Variants in USP48 observed in about 807,000 individuals in gnomAD.
The protein encoded by USP48 is ubiquitin carboxyl-terminal hydrolase 48.
A neutral mutation model predicts 150.7 loss-of-function variants in USP48; 43 were observed. The ratio of observed to expected loss-of-function variants is 0.29; its 90% CI spans 0.22 to 0.37. USP48 has a LOEUF of 0.37. USP48 is among the 10% of genes least tolerant of loss of function. The pLI, the probability that USP48 is intolerant of heterozygous loss-of-function variation, is 1.00. For synonymous variants in USP48, 396 were observed against 425.9 expected, an observed-to-expected ratio of 0.93 and a Z score of 0.86; for missense variants, 813 against 1,249.6, an observed-to-expected ratio of 0.65 and a Z score of 5.27.
chr1:21,748,370 C>A, intron 6 of USP48, 99 bp from the exon 7 acceptor site: 2 of 1,165,066 alleles, frequency 1.7e-6, no homozygotes, highest in Non-Finnish European at 2.4e-6. Flanking sequence ...CAGTTAATAG[C>A]TCTCACTTAA....
chr1:21,762,596 G>A (rs1048104007), intron 1 of USP48, among the ~76,000 whole-genome samples: 22 of 152,100 alleles, frequency 1.4e-4, no homozygotes, highest in African/African-American at 3.4e-4. Context: ...GGCCGGGCGC[G>A]GTGGCTCACG....
intron 11 of USP48, among the ~76,000 whole-genome samples, chr1:21,727,630 T>A (rs373860593): frequency 1.3e-5 from 2 of 152,324 alleles, no homozygotes; most frequent in South Asian, 4.1e-4. Flanking sequence ...ATGGGTTCAT[T>A]TCCAAATCAT....
At chr1:21,684,649 T>C (rs1042131702) in intron 25 of USP48, among the ~76,000 whole-genome samples, 5 of 148,970 alleles carry the variant, frequency 3.4e-5, no homozygotes, top group Admixed American at 6.9e-5. Context: ...TTCCCCCATA[T>C]TGAATTCTAG....
intron 17 of USP48, 66 bp from the exon 18 acceptor site, chr1:21,706,253 A>G (rs2097672134): frequency 6.4e-7 from 1 of 1,569,430 alleles, no homozygotes; most frequent in African/African-American, 1.4e-5. Context: ...AATTCCTTAT[A>G]ATATACTTTG....
intron 26 of USP48, among the ~76,000 whole-genome samples, chr1:21,680,248 C>T (rs770769121): frequency 3.9e-5 from 6 of 152,206 alleles, no homozygotes; most frequent in African/African-American, 1.2e-4. Context: ...AATCCGAAAA[C>T]GTCAGAGGTC....
At chr1:21,782,134 C>G (rs2097916167) in intron 1 of USP48, 1 of 152,074 alleles carries the variant, frequency 6.6e-6, no homozygotes. Flanking sequence ...ATAGTTCCCG[C>G]GTTACAAGGT....
At chr1:21,763,698 C>G (rs1022048192) in intron 1 of USP48, among the ~76,000 whole-genome samples, 2 of 152,136 alleles carry the variant, frequency 1.3e-5, no homozygotes, top group African/African-American at 4.8e-5. Flanking sequence ...GCCTGTAATT[C>G]CAGCTACTCA....
At chr1:21,716,890 T>C (rs2097705900) in intron 14 of USP48, among the ~76,000 whole-genome samples, 1 of 151,790 alleles carries the variant, frequency 6.6e-6, no homozygotes, top group Non-Finnish European at 1.5e-5. Flanking sequence ...TAGCCAGGCA[T>C]GGTGGCGGGC....
chr1:21,727,920 T>A (rs1357217702), intron 11 of USP48: 1 of 984,082 alleles, frequency 1.0e-6, no homozygotes, highest in Admixed American at 6.2e-5. Context: ...GAATTAGGCT[T>A]GGGGAATTCA....
At chr1:21,684,451 T>C (rs1395776791) in intron 25 of USP48, among the ~76,000 whole-genome samples, 1 of 152,248 alleles carries the variant, frequency 6.6e-6, no homozygotes, top group East Asian at 1.9e-4. Context: ...TTCAGGTCCG[T>C]TGCCTACTGT....
At chr1:21,769,620 C>T (rs566479731) in intron 1 of USP48, among the ~76,000 whole-genome samples, 115 of 152,234 alleles carry the variant, frequency 7.6e-4, no homozygotes, top group African/African-American at 2.6e-3. Flanking sequence ...CCATGTTCCC[C>T]AGGCTGGTCT....
intron 1 of USP48, among the ~76,000 whole-genome samples, chr1:21,770,151 C>T (rs1229576421): frequency 1.4e-5 from 2 of 141,796 alleles, no homozygotes; most frequent in African/African-American, 2.5e-5. Context: ...ATTGAGACCT[C>T]GTCCTCCACC....
intron 14 of USP48, among the ~76,000 whole-genome samples, chr1:21,717,586 T>C (rs546387918): frequency 1.3e-5 from 2 of 152,314 alleles, no homozygotes; most frequent in South Asian, 4.1e-4. Context: ...CCTAAGAAGA[T>C]GGTCAACCTC....
At chr1:21,750,720 C>A (rs532602752) in intron 6 of USP48, among the ~76,000 whole-genome samples, 12 of 129,578 alleles carry the variant, frequency 9.3e-5, no homozygotes, top group African/African-American at 1.1e-4. Flanking sequence ...TAAAAATACA[C>A]ACACAAAAAA....
chr1:21,680,086 C>T (rs61496627), intron 26 of USP48, among the ~76,000 whole-genome samples: 26,213 of 152,194 alleles, frequency 0.17, 2,457 homozygotes, highest in East Asian at 0.37. Context: ...ACAGCTGCAG[C>T]AAGAGGAAGA....
At chr1:21,731,860 C>CA (rs1247693125) in intron 9 of USP48, among the ~76,000 whole-genome samples, 1 of 151,988 alleles carries the variant, frequency 6.6e-6, no homozygotes. Flanking sequence ...CAGTGAGACT[C>CA]AGTCTCCAAA....
chr1:21,706,916 A>T (rs781290314), intron 15 of USP48, 48 bp from the exon 16 acceptor site: 1 of 1,554,858 alleles, frequency 6.4e-7, no homozygotes, highest in Admixed American at 2.0e-5. Context: ...AGCTGAAAAA[A>T]AGTCATTATC....
intron 21 of USP48, among the ~76,000 whole-genome samples, chr1:21,702,361 A>G (rs1477678314): frequency 6.6e-6 from 1 of 152,096 alleles, no homozygotes; most frequent in East Asian, 1.9e-4. Flanking sequence ...TAAGATATCT[A>G]GAGATATGGG....
chr1:21,755,456 G>T (rs771259069), intron 3 of USP48, among the ~76,000 whole-genome samples: 9 of 152,194 alleles, frequency 5.9e-5, no homozygotes, highest in Admixed American at 2.0e-4. Context: ...AACTACTCGG[G>T]GGGGCTCTGG....
Sources: allele counts gnomAD v4.1 joint callset (sites outside exome capture counted in the v4.1 genomes callset), GRCh38; gene constraint gnomAD v4.1.1; transcripts MANE v1.5; gene names NCBI Gene and HGNC (gene_info 2026-07-23, HGNC 2026-07-21).